The following PLEKHG3 variants were observed in gnomAD, a reference collection of about 807,000 sequenced individuals.
PLEKHG3 encodes pleckstrin homology and RhoGEF domain containing G3.
PLEKHG3 carries 62 observed loss-of-function variants against 94.9 expected under a neutral mutation model. The ratio of observed to expected loss-of-function variants is 0.65; its 90% CI spans 0.53 to 0.81. The LOEUF (loss-of-function observed/expected upper bound fraction) is 0.81. Among genes scored for constraint, PLEKHG3 ranks in the 30% least tolerant of loss-of-function variants. The pLI is 0.00. For missense variants in PLEKHG3, 1,461 were observed against 1,619.3 expected (o/e 0.90, Z 1.68); for synonymous variants, 614 against 654.0 (o/e 0.94, Z 0.93).
Position 64,727,906 on chromosome 14 carries a change from G to A in PLEKHG3, c.275G>A (p.Ser92Asn), listed in dbSNP as rs750812376. The A allele has an allele frequency of 2.7e-5, 44 of 1,612,262 alleles. No individual in the cohort carries two copies. Among genetic ancestry groups the A allele is most frequent in the Non-Finnish European group, 3.6e-5 (43 of 1,178,900 alleles). Residue 92 changes from serine to asparagine, a missense_variant, in exon 2 of 17, where the codon AGC (serine) becomes AAC (asparagine). This residue lies in a region of PLEKHG3 where 253 missense variants were observed against 297.8 expected (regional missense o/e 0.85). Transcript: ENST00000247226. The surrounding 1 kb of genome is among the most constrained non-coding windows in gnomAD (Gnocchi z 6.0). ...AAAGPAHHKLSYLGRVVREIV... is the reference protein window; with the variant it reads ...AAAGPAHHKLNYLGRVVREIV... ...GCAGGGCCTGCACACCACAAGCTCA[G>A]CTACCTGGGCCGAGTGGTGCGGGAG...
chr14:64,740,907 C>T, intron 15 of PLEKHG3, 129 bp from the exon 16 acceptor site: 1 of 703,552 alleles, frequency 1.4e-6, no homozygotes, highest in East Asian at 2.7e-5. Context: ...CGTGCTCATT[C>T]TGATTGCCTT....
rs1269060042 is a variant in PLEKHG3 at position 64,745,580 on chromosome 14, G to A, written c.*1877G>A. On this transcript the variant is annotated 3_prime_UTR_variant, in exon 17 of 17. Transcript: ENST00000247226. The surrounding 1 kb of genome is among the most constrained non-coding windows in gnomAD (Gnocchi z 5.0). ...GACCCTCACACTGTCCAGTGCCCTT[G>A]TGGTTACTCAGCATCATATCTTGAG... 1 of 152,288 alleles carries A rather than the reference G, an allele frequency of 6.6e-6. No individual in the cohort carries two copies. The highest frequency in any genetic ancestry group is 2.4e-5 in the African/African-American group (1 of 41,472). The allele number at this position is 152,288 out of a possible 1,614,324, so 9.4% of individuals were successfully genotyped here. A position where few individuals can be genotyped will look rare whatever the true frequency, so the allele number is the denominator to read the frequency against.
intron 1 of PLEKHG3, among the ~76,000 whole-genome samples, chr14:64,708,828 C>T (rs2081017015): frequency 6.6e-6 from 1 of 151,430 alleles, no homozygotes; most frequent in East Asian, 1.9e-4. Context: ...CCCCACCCCC[C>T]AAGTATGTCG....
Position 64,716,496 on chromosome 14 carries a change from AACACACACACACACACACACACAC to A in PLEKHG3, c.-39-11065_-39-11042del, listed in dbSNP as rs58480790. On this transcript the variant is annotated intron_variant, in intron 1 of 16. Transcript: ENST00000247226. This position sits in a 1 kb window ranked among gnomAD's most constrained non-coding sequence, Gnocchi z 5.0. ...ACACACACACAACACACACACACAC[AACACACACACACACACACACACAC>A]ACACACACACACACACACACACACA... is the stretch of plus-strand genomic sequence containing the variant. Among the ~76,000 whole-genome samples the A allele has an allele frequency of 4.8e-4, 38 of 79,540 alleles. No homozygotes were observed. The highest frequency in any genetic ancestry group is 1.5e-3 in the African/African-American group (29 of 19,656). The allele number at this position is 79,540 out of a possible 152,430, so 52.2% of individuals were successfully genotyped here.
intron 13 of PLEKHG3, 105 bp from the exon 14 acceptor site, chr14:64,737,251 C>T (rs2081589174): frequency 2.4e-6 from 2 of 843,606 alleles, no homozygotes; most frequent in Non-Finnish European, 4.0e-6. Context: ...GTGAGGACTT[C>T]CCCAGGGAGC....
chr14:64,737,998 AGG>A, intron 14 of PLEKHG3: 2 of 1,265,746 alleles, frequency 1.6e-6, no homozygotes, highest in Admixed American at 2.5e-5. Context: ...GAGGAGGAGG[AGG>A]AGGAAGAGCA....
chr14:64,726,539 A>G lies in PLEKHG3; in HGVS notation c.-39-1054A>G, dbSNP rs779921304. On this transcript the variant is annotated intron_variant, in intron 1 of 16. Transcript: ENST00000247226. The surrounding 1 kb of genome is among the most constrained non-coding windows in gnomAD (Gnocchi z 5.1). ...GGCTGCAGCCTGAAGTAGTCTGGCC[A>G]CTCCACCCTTCCATCCCCCGGCTGC... Among the ~76,000 whole-genome samples the G allele has an allele frequency of 6.6e-6, 1 of 151,722 alleles. No homozygotes were observed. Among genetic ancestry groups the G allele is most frequent in the Non-Finnish European group, 1.5e-5 (1 of 67,918 alleles).
chr14:64,749,432 G>A lies in PLEKHG3; in HGVS notation c.*5729G>A, dbSNP rs750634381. On this transcript the variant is annotated 3_prime_UTR_variant, in exon 17 of 17. Coordinates refer to ENST00000247226, the MANE Select transcript of PLEKHG3 (RefSeq NM_001308147.2). The surrounding 1 kb of genome is among the most constrained non-coding windows in gnomAD (Gnocchi z 4.7). ...TGACGCGGATGCTCTGGGACTCGTTGATGGCGGTGCTCACGCCCTGCAGCC... is the reference window on the plus strand; with the variant it reads ...TGACGCGGATGCTCTGGGACTCGTTAATGGCGGTGCTCACGCCCTGCAGCC... 6.2e-7 allele frequency: 1 copy of A among 1,604,672 alleles called. No individual in the cohort carries two copies.
chr14:64,716,452 A>ACACACACACACAC lies in PLEKHG3; in HGVS notation c.-39-11140_-39-11128dup, dbSNP rs2081150056. Among the ~76,000 whole-genome samples, 1 of 132,690 alleles carries ACACACACACACAC rather than the reference A, an allele frequency of 7.5e-6. No homozygotes were observed. Among genetic ancestry groups the ACACACACACACAC allele is most frequent in the Non-Finnish European group, 1.6e-5 (1 of 62,106 alleles). The allele number at this position is 132,690 out of a possible 152,430, so 87.0% of individuals were successfully genotyped here. On this transcript the variant is annotated intron_variant, in intron 1 of 16. Coordinates refer to ENST00000247226, the MANE Select transcript of PLEKHG3 (RefSeq NM_001308147.2). This position sits in a 1 kb window ranked among gnomAD's most constrained non-coding sequence, Gnocchi z 5.0. ...TAGGGCCCTACACACACACACACAC[A>ACACACACACACAC]CACACACACACACAACACACACACA... is the stretch of plus-strand genomic sequence containing the variant.
At chr14:64,733,784 G>A (rs764181107) in intron 12 of PLEKHG3, among the ~76,000 whole-genome samples, 7 of 152,188 alleles carry the variant, frequency 4.6e-5, no homozygotes, top group South Asian at 2.1e-4. Context: ...GGAATGAATC[G>A]TCTATTTGAA....
chr14:64,740,887 A>T, intron 15 of PLEKHG3, 149 bp from the exon 16 acceptor site: 1 of 625,892 alleles, frequency 1.6e-6, no homozygotes, highest in Non-Finnish European at 2.8e-6. Flanking sequence ...CCCATCACCT[A>T]CTCCTAAGTC....
In PLEKHG3 at chr14:64,749,801, C is replaced by T. The variant is rs1227634862; in HGVS notation, c.*6098C>T. 1.3e-6 allele frequency: 2 copies of T among 1,516,378 alleles called. No individual in the cohort carries two copies. Among genetic ancestry groups the T allele is most frequent in the Non-Finnish European group, 1.8e-6 (2 of 1,106,518 alleles). 93.9% of individuals were successfully genotyped at this position (1,516,378 alleles called of 1,614,324 possible). On this transcript the variant is annotated 3_prime_UTR_variant, in exon 17 of 17. Coordinates refer to ENST00000247226, the MANE Select transcript of PLEKHG3 (RefSeq NM_001308147.2). The surrounding 1 kb of genome is among the most constrained non-coding windows in gnomAD (Gnocchi z 4.7). ...TACCCTGAGCCGAACATCCAGACCCCTCTCAGGCAGCCCAGCACTTTCTGA... is the reference window on the plus strand; with the variant it reads ...TACCCTGAGCCGAACATCCAGACCCTTCTCAGGCAGCCCAGCACTTTCTGA...
chr14:64,736,083 A>G (rs1234439452), intron 12 of PLEKHG3, among the ~76,000 whole-genome samples: 1 of 152,242 alleles, frequency 6.6e-6, no homozygotes, highest in Non-Finnish European at 1.5e-5. Context: ...TGTGTAGCAA[A>G]TCATGGCGAT....
At chr14:64,733,857 G>T (rs557216161) in intron 12 of PLEKHG3, among the ~76,000 whole-genome samples, 127 of 152,298 alleles carry the variant, frequency 8.3e-4, no homozygotes, top group Non-Finnish European at 1.4e-3. Context: ...TTCAAAATTG[G>T]TTTTTTCGTT....
In PLEKHG3 at chr14:64,739,213, C is replaced by T. The variant is rs1430180631; in HGVS notation, c.1518+358C>T. Among the ~76,000 whole-genome samples the T allele has an allele frequency of 6.6e-6, 1 of 152,206 alleles. No individual in the cohort carries two copies. Among genetic ancestry groups the T allele is most frequent in the African/African-American group, 2.4e-5 (1 of 41,448 alleles). ...CAGCATGCCAGACATTGAAATCACA[C>T]CTGTGGTCACCTGGGCAAAGGGTAG... is the stretch of plus-strand genomic sequence containing the variant. On this transcript the variant is annotated intron_variant, in intron 15 of 16. Transcript: ENST00000247226. The surrounding 1 kb of genome is among the most constrained non-coding windows in gnomAD (Gnocchi z 4.1).
chr14:64,709,428 G>C (rs2081031704), intron 1 of PLEKHG3, among the ~76,000 whole-genome samples: 1 of 152,198 alleles, frequency 6.6e-6, no homozygotes, highest in Non-Finnish European at 1.5e-5. Flanking sequence ...TAAGCTCAAG[G>C]AATGGATTTT....
At chr14:64,706,306 G>A (rs1198487718) in intron 1 of PLEKHG3, among the ~76,000 whole-genome samples, 1 of 152,218 alleles carries the variant, frequency 6.6e-6, no homozygotes, top group East Asian at 1.9e-4. Context: ...AGAGCCCAGA[G>A]GGGTGAGGTG....
chr14:64,736,483 AGGGACCTCCG>A (rs1327532715), intron 12 of PLEKHG3, among the ~76,000 whole-genome samples: 1 of 152,224 alleles, frequency 6.6e-6, no homozygotes, highest in East Asian at 1.9e-4. Context: ...AGGTGGAGCC[AGGGACCTCCG>A]GAGATGTTGC....
intron 12 of PLEKHG3, among the ~76,000 whole-genome samples, chr14:64,735,272 G>C (rs1483711240): frequency 2.0e-5 from 3 of 152,118 alleles, no homozygotes; most frequent in Admixed American, 1.3e-4. Flanking sequence ...ATTGGTCTAA[G>C]TATGCTTGTC....
Sources: allele counts gnomAD v4.1 joint callset (sites outside exome capture counted in the v4.1 genomes callset), GRCh38; gene constraint gnomAD v4.1.1; regional missense constraint gnomAD v4.1.1; non-coding constraint Gnocchi (gnomAD v3.1); transcripts MANE v1.5; gene names NCBI Gene and HGNC (gene_info 2026-07-23, HGNC 2026-07-21).